VPS13D: variants seen among roughly 807,000 people sequenced by gnomAD.
The protein encoded by VPS13D is intermembrane lipid transfer protein VPS13D.
A neutral mutation model predicts 461.9 loss-of-function variants in VPS13D; 187 were observed. The observed-to-expected ratio is 0.40, with a 90% CI of 0.36 to 0.46. VPS13D has a LOEUF of 0.46. VPS13D is among the 20% of genes least tolerant of loss of function. The probability of loss-of-function intolerance (pLI) is 0.60; values close to 1 mark genes in which losing one functional copy is unlikely to be tolerated. For synonymous variants in VPS13D, 1,951 were observed against 1,986.3 expected, an observed-to-expected ratio of 0.98 and a Z score of 0.47; for missense variants, 4,711 against 5,364.9, an observed-to-expected ratio of 0.88 and a Z score of 3.81.
In VPS13D at chr1:12,490,847, A is replaced by G. The variant is rs371799569; in HGVS notation, c.12663-6653A>G. Among the ~76,000 whole-genome samples, 41 of 152,204 alleles carry G rather than the reference A, an allele frequency of 2.7e-4. 4 individuals carry two copies. The highest frequency in any genetic ancestry group is 2.0e-3 in the Admixed American group (31 of 15,306). ...TGCAGCCCATGGCATGGTGGGAGCT[A>G]CAGGTCCAAGACAGATGCAGCCCAC... is the stretch of plus-strand genomic sequence containing the variant. On this transcript the variant is annotated intron_variant, in intron 67 of 69. Coordinates refer to ENST00000620676, the MANE Select transcript of VPS13D (RefSeq NM_015378.4).
At chr1:12,295,224 A>G (rs1472663998) in intron 24 of VPS13D, among the ~76,000 whole-genome samples, 1 of 127,624 alleles carries the variant, frequency 7.8e-6, no homozygotes, top group Non-Finnish European at 1.5e-5. Context: ...CCATGACTCA[A>G]AAAAAAAAAA....
chr1:12,381,925 T>TCTTTC (rs1553185981), intron 57 of VPS13D, among the ~76,000 whole-genome samples: 58 of 70,464 alleles, frequency 8.2e-4, no homozygotes, highest in Non-Finnish European at 1.1e-3. Flanking sequence ...TCTTTTCTTT[T>TCTTTC]CTTTCTTTCT....
intron 60 of VPS13D, among the ~76,000 whole-genome samples, chr1:12,398,482 G>A (rs568531068): frequency 1.3e-5 from 2 of 152,216 alleles, no homozygotes; most frequent in South Asian, 4.1e-4. Flanking sequence ...AGGGGTTTAG[G>A]AAGTGATATG....
At chr1:12,452,850 G>A (rs899298711) in intron 65 of VPS13D, among the ~76,000 whole-genome samples, 1 of 152,232 alleles carries the variant, frequency 6.6e-6, no homozygotes, top group African/African-American at 2.4e-5. Context: ...TTCTAGGGGT[G>A]AAGACTTTTG....
At position 12,394,877 on chromosome 1, in the gene VPS13D, G is replaced by A. The variant is rs138718539; in HGVS notation, c.11635-5304G>A. Among the ~76,000 whole-genome samples, 247 of 152,264 alleles carry A rather than the reference G, an allele frequency of 1.6e-3. 3 individuals are homozygous for A. Among genetic ancestry groups the A allele is most frequent in the Middle Eastern group, 6.8e-3 (2 of 294 alleles). On this transcript the variant is annotated intron_variant, in intron 60 of 69. Transcript: ENST00000620676. ...ACATTAAAAGCAGAATGCCTACTTA[G>A]TGGGCCCAGATCAATAAATCCTGAT...
rs1642117874 is a variant in VPS13D, at chr1:12,291,020, C to T, written c.5748C>T (p.Gly1916=). Residue 1916 remains glycine, a synonymous_variant, in exon 23 of 70, where the codon GGC becomes GGT. Coordinates refer to ENST00000620676, the MANE Select transcript of VPS13D (RefSeq NM_015378.4). ...TAGAGGGAGACCTGGCCTTACAGGG[C>T]AGCATTGGGAGTCTGTCTCTAAGTG... ...EMIEGDLALQ[G]SIGSLSLSDL... The T allele has an allele frequency of 6.2e-7, 1 of 1,613,138 alleles. No homozygotes were observed. The highest frequency in any genetic ancestry group is 8.5e-7 in the Non-Finnish European group (1 of 1,179,694).
intron 58 of VPS13D, among the ~76,000 whole-genome samples, chr1:12,383,816 A>G (rs1250746717): frequency 6.6e-6 from 1 of 152,214 alleles, no homozygotes; most frequent in Non-Finnish European, 1.5e-5. Flanking sequence ...TCTAGTGGGG[A>G]TGGACCATCA....
chr1:12,422,848 C>CTT (rs748419781), intron 65 of VPS13D, among the ~76,000 whole-genome samples: 4 of 130,534 alleles, frequency 3.1e-5, no homozygotes, highest in Non-Finnish European at 5.0e-5. Flanking sequence ...TTTTGAAGGT[C>CTT]TTTTTTTTTT....
At chr1:12,483,714 C>A (rs543811497) in intron 67 of VPS13D, among the ~76,000 whole-genome samples, 78 of 152,290 alleles carry the variant, frequency 5.1e-4, no homozygotes, top group African/African-American at 1.8e-3. Context: ...AAGAATGAGG[C>A]TTCAGCCAGG....
chr1:12,341,815 G>C lies in VPS13D; in HGVS notation c.8662G>C (p.Val2888Leu). The change falls in exon 41 of 70, where the codon GTC becomes CTC. Residue 2888 changes from valine to leucine, a missense_variant. This residue lies in a region of VPS13D where 4,411 missense variants were observed against 4,937.8 expected (regional missense o/e 0.89). Coordinates refer to ENST00000620676, the MANE Select transcript of VPS13D (RefSeq NM_015378.4). The stretch of plus-strand genomic sequence containing the variant: ...AACCCCCAAGCGCCGGCAGCCATTT[G>C]TCCCCTTTGCTCTGAGGAACCACAC... ...VKTPKRRQPF[V>L]PFALRNHTGC... 6.2e-7 allele frequency: 1 copy of C among 1,613,954 alleles called. No individual in the cohort carries two copies. The highest frequency in any genetic ancestry group is 8.5e-7 in the Non-Finnish European group (1 of 1,179,966).
At position 12,494,186 on chromosome 1, in the gene VPS13D, A is replaced by C. The variant is rs565262578; in HGVS notation, c.12663-3314A>C. On this transcript the variant is annotated intron_variant, in intron 67 of 69. Transcript: ENST00000620676. ...TTGCCCTTGATATTATTTGATCAAA[A>C]GTCAAGAACCCTGGAAATGGGAAGA... Among the ~76,000 whole-genome samples, 19 of 152,336 alleles carry C rather than the reference A, an allele frequency of 1.2e-4. No individual in the cohort carries two copies. In the East Asian group the frequency reaches 3.3e-3, roughly 26 times the overall value.
At position 12,374,005 on chromosome 1, in the gene VPS13D, T is replaced by G. The variant is rs1421452909; in HGVS notation, c.10917+147T>G. 7.9e-6 allele frequency: 4 copies of G among 504,244 alleles called. No homozygotes were observed. In the Admixed American group the frequency reaches 1.5e-4, roughly 19 times the overall value. The allele number at this position is 504,244 out of a possible 1,614,324, so 31.2% of individuals were successfully genotyped here. A position where few individuals can be genotyped will look rare whatever the true frequency, so the allele number is the denominator to read the frequency against. On this transcript the variant is annotated intron_variant, in intron 55 of 69. Coordinates refer to ENST00000620676, the MANE Select transcript of VPS13D (RefSeq NM_015378.4). Reference sequence around the variant, plus strand: ...GCCTCTTGGCATTTCCAGGTCAGTGTTAGGGCGGATGAGTACCAGCTCAGG... The same window carrying G: ...GCCTCTTGGCATTTCCAGGTCAGTGGTAGGGCGGATGAGTACCAGCTCAGG...
chr1:12,368,425 C>G, intron 52 of VPS13D, 43 bp from the exon 53 acceptor site: 1 of 1,565,782 alleles, frequency 6.4e-7, no homozygotes, highest in Non-Finnish European at 8.7e-7. Flanking sequence ...GGCATCTTGT[C>G]TCCTACATTT....
intron 60 of VPS13D, among the ~76,000 whole-genome samples, chr1:12,399,385 C>T (rs1318428388): frequency 4.0e-5 from 6 of 151,574 alleles, no homozygotes; most frequent in African/African-American, 7.2e-5. Context: ...GTAGTAGAGA[C>T]GGGGTTTCAT....
intron 58 of VPS13D, 51 bp downstream of exon 58, chr1:12,383,206 C>G (rs1263689526): frequency 1.3e-6 from 2 of 1,516,362 alleles, no homozygotes; most frequent in South Asian, 1.2e-5. Context: ...TCCTCCACCC[C>G]CAATGATTAC....
intron 67 of VPS13D, among the ~76,000 whole-genome samples, chr1:12,466,042 G>A (rs1645478314): frequency 6.6e-6 from 1 of 152,058 alleles, no homozygotes; most frequent in African/African-American, 2.4e-5. Flanking sequence ...GGCTGAGGCA[G>A]GAGAATTGCT....
chr1:12,274,159 G>A (rs935929756), intron 18 of VPS13D, among the ~76,000 whole-genome samples: 1 of 152,142 alleles, frequency 6.6e-6, no homozygotes, highest in Non-Finnish European at 1.5e-5. Context: ...TCCTGCCTCA[G>A]CCTCCTGAGT....
rs1641667768 is a variant in VPS13D, at chr1:12,278,032, G to A, written c.4444G>A (p.Gly1482Ser). 6.2e-7 allele frequency: 1 copy of A among 1,610,094 alleles called. No individual in the cohort carries two copies. The highest frequency in any genetic ancestry group is 1.1e-5 in the South Asian group (1 of 90,584). Residue 1482 changes from glycine (G) to serine (S), a missense_variant, in exon 19 of 70, where the codon GGT (glycine) becomes AGT (serine). Physicochemically the swap from Gly to Ser is moderately conservative, Grantham distance 56. Coordinates refer to ENST00000620676, the MANE Select transcript of VPS13D (RefSeq NM_015378.4). The stretch of plus-strand genomic sequence containing the variant: ...TGATTTCTTTGAATCTTTGCATAGA[G>A]GTCAAGGTGAGGAGCATCAGTCTTT... ...RHDFFESLHR[G>S]QAFHILNNTT...
intron 2 of VPS13D, among the ~76,000 whole-genome samples, chr1:12,235,560 A>T (rs1640121060): frequency 6.6e-6 from 1 of 152,092 alleles, no homozygotes; most frequent in Admixed American, 6.5e-5. Context: ...GGGCAACAAG[A>T]GTGAAACTCC....
Sources: gnomAD v4.1 joint callset for allele counts (sites outside exome capture counted in the v4.1 genomes callset) on GRCh38, gnomAD v4.1.1 for gene constraint, gnomAD v4.1.1 regional missense constraint, MANE v1.5 for transcripts, NCBI Gene and HGNC (gene_info 2026-07-23, HGNC 2026-07-21) for gene names.